Variants in STARD13 observed in about 807,000 individuals in gnomAD.
The protein encoded by STARD13 is StAR related lipid transfer domain containing 13.
STARD13 carries 62 observed loss-of-function variants against 106.4 expected under a neutral mutation model. The observed-to-expected ratio is 0.58, with a 90% confidence interval of 0.48 to 0.72. The LOEUF (loss-of-function observed/expected upper bound fraction) is 0.72. STARD13 is among the 30% of genes least tolerant of loss of function. The probability of loss-of-function intolerance (pLI) is 0.00; values close to 1 mark genes in which losing one functional copy is unlikely to be tolerated. For missense variants in STARD13, 1,387 were observed against 1,424.0 expected (o/e 0.97, Z 0.42); for synonymous variants, 565 against 553.0 (o/e 1.02, Z -0.31).
the STARD13 span, among the ~76,000 whole-genome samples, chr13:33,392,770 T>C: frequency 6.6e-6 from 1 of 152,358 alleles, no homozygotes; most frequent in East Asian, 1.9e-4. Flanking sequence ...AAATATCTTC[T>C]TAATATCCCC....
chr13:33,635,788 G>A, the STARD13 span, among the ~76,000 whole-genome samples: 1 of 151,000 alleles, frequency 6.6e-6, no homozygotes, highest in Non-Finnish European at 1.5e-5. Context: ...TTCAAGACCA[G>A]CCTGGCCAAT....
chr13:33,516,107 A>G, the STARD13 span, among the ~76,000 whole-genome samples: 6 of 149,734 alleles, frequency 4.0e-5, no homozygotes, highest in African/African-American at 1.5e-4. Context: ...ATATATGTTA[A>G]CTTTGTATAT....
the STARD13 span, among the ~76,000 whole-genome samples, chr13:33,659,449 C>T: frequency 9.9e-5 from 15 of 152,258 alleles, no homozygotes; most frequent in Admixed American, 3.9e-4. Context: ...CTCCTGACCT[C>T]GTGATCCACC....
At chr13:33,485,704 C>G in the STARD13 span, among the ~76,000 whole-genome samples, 12 of 151,984 alleles carry the variant, frequency 7.9e-5, no homozygotes, top group African/African-American at 2.4e-4. Flanking sequence ...TTATTAATGC[C>G]TATACAAATA....
At chr13:33,200,311 G>A (rs1158517749) in intron 1 of STARD13, among the ~76,000 whole-genome samples, 1 of 152,200 alleles carries the variant, frequency 6.6e-6, no homozygotes, top group Non-Finnish European at 1.5e-5. Flanking sequence ...CTCAAGCTCA[G>A]GTAAATGACC....
intron 1 of STARD13, among the ~76,000 whole-genome samples, chr13:33,219,674 G>A (rs983873992): frequency 4.0e-5 from 6 of 151,566 alleles, no homozygotes; most frequent in Admixed American, 3.9e-4. Context: ...GCACGGTGGT[G>A]CATGCCTGTA....
At chr13:33,674,739 T>A in the STARD13 span, among the ~76,000 whole-genome samples, 1 of 152,188 alleles carries the variant, frequency 6.6e-6, no homozygotes, top group African/African-American at 2.4e-5. Context: ...AATCTTGAAA[T>A]TTTTTTCTGG....
chr13:33,325,451 G>C (rs535763481), intron 1 of STARD13, among the ~76,000 whole-genome samples: 1 of 152,130 alleles, frequency 6.6e-6, no homozygotes, highest in Non-Finnish European at 1.5e-5. Context: ...ATAAAGTCTT[G>C]GTATAACCTA....
intron 1 of STARD13, among the ~76,000 whole-genome samples, chr13:33,189,428 TCC>T (rs1886054178): frequency 5.8e-5 from 1 of 17,188 alleles, no homozygotes; most frequent in African/African-American, 1.4e-4. Context: ...CCCTCCTTCC[TCC>T]TTTCGGAGGA....
At chr13:33,512,644 T>A in the STARD13 span, among the ~76,000 whole-genome samples, 1 of 152,070 alleles carries the variant, frequency 6.6e-6, no homozygotes, top group East Asian at 1.9e-4. Context: ...ATTTTTTGAA[T>A]TTTTAGTAGA....
At chr13:33,353,649 A>C (rs137927029), upstream of STARD13, among the ~76,000 whole-genome samples, 984 of 152,342 alleles carry the variant, frequency 6.5e-3, 10 homozygotes, top group African/African-American at 0.022. Context: ...CATTTGGCAC[A>C]TAGAAAAGAC....
At chr13:33,570,080 A>T in the STARD13 span, among the ~76,000 whole-genome samples, 1 of 147,852 alleles carries the variant, frequency 6.8e-6, no homozygotes, top group Admixed American at 7.0e-5. Context: ...TACAAAAAAA[A>T]TTTATGAGCC....
chr13:33,303,318 G>C (rs1317211078), intron 1 of STARD13, among the ~76,000 whole-genome samples: 1 of 152,146 alleles, frequency 6.6e-6, no homozygotes, highest in East Asian at 1.9e-4. Context: ...ATCCAGCCTA[G>C]TGTCTCCCTC....
the STARD13 span, among the ~76,000 whole-genome samples, chr13:33,400,127 C>T: frequency 6.6e-6 from 1 of 152,240 alleles, no homozygotes; most frequent in East Asian, 1.9e-4. Flanking sequence ...TAACACCTCC[C>T]TGATTTCCCC....
At chr13:33,285,890 A>G (rs1892039175), upstream of STARD13, 2 of 653,046 alleles carry the variant, frequency 3.1e-6, no homozygotes, top group African/African-American at 1.8e-5. Context: ...GACCAGAGGC[A>G]GTTCCAGCCG....
At chr13:33,643,057 T>C in the STARD13 span, among the ~76,000 whole-genome samples, 1 of 152,070 alleles carries the variant, frequency 6.6e-6, no homozygotes, top group Non-Finnish European at 1.5e-5. Flanking sequence ...GCCATACAGC[T>C]TTCTCACAAA....
rs942323383 is a variant in STARD13, at chr13:33,158,079, T to G, written c.323+7258A>C. Among the ~76,000 whole-genome samples the G allele has an allele frequency of 9.2e-5, 14 of 152,308 alleles. 1 individual carries two copies. The highest frequency in any genetic ancestry group is 2.6e-4 in the African/African-American group (11 of 41,570). ...ACAAACATTTATGGAGTGTCTACTATGCAGCCTTGCTGAAGCAACAGAGAG... is the reference window on the plus strand; with the variant it reads ...ACAAACATTTATGGAGTGTCTACTAGGCAGCCTTGCTGAAGCAACAGAGAG... On this transcript the variant is annotated intron_variant, in intron 3 of 13. Transcript: ENST00000336934.
the STARD13 span, among the ~76,000 whole-genome samples, chr13:33,582,185 G>A: frequency 6.7e-6 from 1 of 149,660 alleles, no homozygotes; most frequent in South Asian, 2.1e-4. Flanking sequence ...TCACGTCACT[G>A]CACTCCAGCC....
the STARD13 span, among the ~76,000 whole-genome samples, chr13:33,519,255 T>C: frequency 6.6e-6 from 1 of 150,600 alleles, no homozygotes; most frequent in Admixed American, 6.6e-5. Context: ...TTTCTTTCTT[T>C]CTTTCTTTCT....
Sources: gnomAD v4.1 joint callset for allele counts (sites outside exome capture counted in the v4.1 genomes callset) on GRCh38, gnomAD v4.1.1 for gene constraint, MANE v1.5 for transcripts, NCBI Gene and HGNC (gene_info 2026-07-23, HGNC 2026-07-21) for gene names.